Variants in DCC observed in about 807,000 individuals in gnomAD.
DCC encodes netrin receptor DCC.
DCC carries 58 observed loss-of-function variants against 172.5 expected under a neutral mutation model. The ratio of observed to expected loss-of-function variants is 0.34; its 90% CI spans 0.27 to 0.42. The LOEUF (loss-of-function observed/expected upper bound fraction) is 0.42, where lower values mean the gene tolerates loss of function less well. DCC is among the 10% of genes least tolerant of loss of function. The pLI, the probability that DCC is intolerant of heterozygous loss-of-function variation, is 1.00. For missense variants in DCC, 1,740 were observed against 1,791.0 expected, an observed-to-expected ratio of 0.97 and a Z score of 0.51; for synonymous variants, 709 against 644.5, an observed-to-expected ratio of 1.10 and a Z score of -1.52.
intron 7 of DCC, among the ~76,000 whole-genome samples, chr18:53,119,520 G>A (rs549441090): frequency 1.3e-5 from 2 of 151,852 alleles, no homozygotes; most frequent in African/African-American, 4.8e-5. Context: ...AGAAACCTTA[G>A]CAAACCACAA....
chr18:53,305,820 G>A, intron 13 of DCC, 101 bp downstream of exon 13: 1 of 1,257,862 alleles, frequency 8.0e-7, no homozygotes, highest in East Asian at 2.3e-5. Flanking sequence ...TTTCTTCCTG[G>A]CATCCAGGCA....
rs139622993 is a variant in DCC, at chr18:52,943,017, G to A, written c.985+17647G>A. Among the ~76,000 whole-genome samples, 227 of 152,238 alleles carry A rather than the reference G, an allele frequency of 1.5e-3. 1 individual carries two copies. The highest frequency in any genetic ancestry group is 5.2e-3 in the African/African-American group (215 of 41,536). ...TACTTAATAAAATGCCTGCCACAGA[G>A]TATGCATTCAAATTATTGTGATTAT... On this transcript the variant is annotated intron_variant, in intron 5 of 28. Transcript: ENST00000442544.
chr18:52,523,159 G>A (rs747028229), intron 1 of DCC, among the ~76,000 whole-genome samples: 15 of 152,148 alleles, frequency 9.9e-5, no homozygotes, highest in Non-Finnish European at 4.4e-5. Context: ...AGTGTACTGG[G>A]CCTTAGTTTC....
chr18:53,225,542 T>C (rs2056013709), intron 12 of DCC, among the ~76,000 whole-genome samples: 1 of 152,114 alleles, frequency 6.6e-6, no homozygotes, highest in Admixed American at 6.5e-5. Flanking sequence ...AGAACAGGTC[T>C]GGATGCTGAT....
chr18:52,448,435 G>T (rs1988194956), intron 1 of DCC, among the ~76,000 whole-genome samples: 1 of 151,972 alleles, frequency 6.6e-6, no homozygotes, highest in South Asian at 2.1e-4. Flanking sequence ...GTTAATGAAA[G>T]GAAATACTGA....
At chr18:52,571,835 A>C (rs2033302013) in intron 1 of DCC, among the ~76,000 whole-genome samples, 1 of 152,188 alleles carries the variant, frequency 6.6e-6, no homozygotes, top group Non-Finnish European at 1.5e-5. Context: ...CACTGACTTC[A>C]ATATGTCCAT....
intron 2 of DCC, among the ~76,000 whole-genome samples, chr18:52,843,653 C>T (rs2038841426): frequency 6.6e-6 from 1 of 152,144 alleles, no homozygotes; most frequent in Admixed American, 6.6e-5. Context: ...GTAAATCTCA[C>T]ATCATTATTT....
chr18:52,351,769 ATATGATCCTTTTCT>A (rs1984132168), intron 1 of DCC, among the ~76,000 whole-genome samples: 1 of 152,166 alleles, frequency 6.6e-6, no homozygotes. Context: ...TATTTTCTCA[ATATGATCCTTTTCT>A]ATGCATTTTG....
At chr18:52,987,744 T>C (rs1046618410) in intron 5 of DCC, among the ~76,000 whole-genome samples, 16 of 152,204 alleles carry the variant, frequency 1.1e-4, no homozygotes, top group Admixed American at 6.5e-5. Flanking sequence ...CTTAGAGCAA[T>C]GGTCATTGAC....
chr18:52,752,417 T>G, intron 2 of DCC, 43 bp downstream of exon 2: 2 of 1,423,150 alleles, frequency 1.4e-6, no homozygotes, highest in Non-Finnish European at 2.0e-6. Flanking sequence ...CCTTCCTCTC[T>G]TCTTCTTATT....
intron 1 of DCC, among the ~76,000 whole-genome samples, chr18:52,598,182 T>C (rs184169413): frequency 6.6e-6 from 1 of 152,262 alleles, no homozygotes; most frequent in East Asian, 1.9e-4. Flanking sequence ...AAAAGGAAAA[T>C]TGATAACGTT....
intron 1 of DCC, among the ~76,000 whole-genome samples, chr18:52,513,503 A>T (rs2031517730): frequency 6.6e-6 from 1 of 152,134 alleles, no homozygotes; most frequent in South Asian, 2.1e-4. Context: ...AATTATTATT[A>T]TTTGTTCTTC....
chr18:52,616,872 C>T (rs531795321), intron 1 of DCC, among the ~76,000 whole-genome samples: 2 of 151,944 alleles, frequency 1.3e-5, no homozygotes, highest in African/African-American at 4.8e-5. Flanking sequence ...AACATGGGAG[C>T]AACAGAATAC....
intron 17 of DCC, among the ~76,000 whole-genome samples, chr18:53,395,179 A>T (rs1254796762): frequency 1.3e-5 from 2 of 151,712 alleles, no homozygotes; most frequent in African/African-American, 4.8e-5. Context: ...TAAGGCTCAG[A>T]CAGGTACCAT....
chr18:52,781,380 C>T (rs9950936), intron 2 of DCC, among the ~76,000 whole-genome samples: 8,041 of 150,032 alleles, frequency 0.054, 287 homozygotes, highest in South Asian at 0.16. Flanking sequence ...TAGCATTCTC[C>T]GAGCTCCAAC....
chr18:52,366,895 G>A (rs888310550), intron 1 of DCC, among the ~76,000 whole-genome samples: 4 of 152,212 alleles, frequency 2.6e-5, no homozygotes, highest in Admixed American at 6.5e-5. Flanking sequence ...GTCCCGTGCC[G>A]TGCGCTCGCA....
chr18:53,460,630 A>C (rs1245208210), intron 24 of DCC, among the ~76,000 whole-genome samples: 4 of 151,936 alleles, frequency 2.6e-5, no homozygotes, highest in East Asian at 1.9e-4. Flanking sequence ...TTATGGCTGC[A>C]TAGTATTCCA....
At chr18:53,136,284 T>A (rs1568325654) in intron 7 of DCC, among the ~76,000 whole-genome samples, 1 of 151,956 alleles carries the variant, frequency 6.6e-6, no homozygotes, top group Non-Finnish European at 1.5e-5. Flanking sequence ...ATAATCAATA[T>A]TATATGCCCA....
intron 1 of DCC, among the ~76,000 whole-genome samples, chr18:52,596,506 C>T (rs2033912996): frequency 6.6e-6 from 1 of 152,126 alleles, no homozygotes; most frequent in African/African-American, 2.4e-5. Context: ...TTTTAGGGCC[C>T]CACCCCACAT....
Sources: allele counts gnomAD v4.1 joint callset (sites outside exome capture counted in the v4.1 genomes callset), GRCh38; gene constraint gnomAD v4.1.1; transcripts MANE v1.5; gene names NCBI Gene and HGNC (gene_info 2026-07-23, HGNC 2026-07-21).